PRPF18: variants seen among roughly 807,000 people sequenced by gnomAD.
PRPF18 encodes the protein pre-mRNA-splicing factor 18.
PRPF18 carries 38 observed loss-of-function variants against 46.5 expected under a neutral mutation model. That is an observed-to-expected ratio of 0.82 (90% CI 0.63 to 1.07). The LOEUF is 1.07. Among genes scored for constraint, PRPF18 ranks in the 50% least tolerant of loss-of-function variants. PRPF18 has a pLI of 0.00. For synonymous variants in PRPF18, 152 were observed against 146.7 expected, an observed-to-expected ratio of 1.04 and a Z score of -0.26; for missense variants, 263 against 410.0, an observed-to-expected ratio of 0.64 and a Z score of 3.10.
At chr10:13,593,237 A>G (rs1339770324) in intron 1 of PRPF18, among the ~76,000 whole-genome samples, 1 of 152,222 alleles carries the variant, frequency 6.6e-6, no homozygotes, top group Non-Finnish European at 1.5e-5. Context: ...AATGGCTAAA[A>G]AGTACAAAAA....
chr10:13,599,963 T>C (rs2080082823), intron 2 of PRPF18, among the ~76,000 whole-genome samples: 2 of 152,350 alleles, frequency 1.3e-5, no homozygotes, highest in South Asian at 4.1e-4. Flanking sequence ...ATTTCAGCCC[T>C]GTTAAATTTG....
rs769730622 is a variant in PRPF18, at chr10:13,613,880, G to A, written c.719G>A (p.Arg240Lys). Reference protein sequence around the residue: ...LRPLFRKLRKRNLPADIKESI... With the variant: ...LRPLFRKLRKKNLPADIKESI... ...CCACTTTTTAGAAAGCTACGGAAAA[G>A]GGTGAGGTTTCTTGGAAAATACTTT... Residue 240 changes from arginine to lysine, a missense_variant and splice_region_variant, in exon 7 of 10, where the codon AGG becomes AAG. Arg to Lys is a conservative substitution (Grantham distance 26). Coordinates refer to ENST00000378572, the MANE Select transcript of PRPF18 (RefSeq NM_003675.4). 2.5e-6 allele frequency: 4 copies of A among 1,598,898 alleles called. No homozygotes were observed. Among genetic ancestry groups the A allele is most frequent in the East Asian group, 2.2e-5 (1 of 44,852 alleles).
At chr10:13,654,238 C>T in the PRPF18 span, 1 of 622,182 alleles carries the variant, frequency 1.6e-6, no homozygotes, top group Non-Finnish European at 2.9e-6. Flanking sequence ...AAGGCACAGC[C>T]AGGAAAAGGA....
chr10:13,594,118 G>A (rs2502216), intron 1 of PRPF18, among the ~76,000 whole-genome samples: 122,537 of 152,170 alleles, frequency 0.81, 49,446 homozygotes, highest in East Asian at 0.84. Context: ...GATAATTACC[G>A]TATTAGAAAT....
At chr10:13,632,290 G>C (rs746915745), downstream of PRPF18, among the ~76,000 whole-genome samples, 5 of 152,020 alleles carry the variant, frequency 3.3e-5, no homozygotes, top group Non-Finnish European at 4.4e-5. Flanking sequence ...GCAGTGAGCC[G>C]AGATCGTGCC....
At chr10:13,654,258 G>A in the PRPF18 span, 81 of 656,100 alleles carry the variant, frequency 1.2e-4, no homozygotes, top group South Asian at 1.1e-3. Flanking sequence ...AGTAGGCAGA[G>A]GTGACAGCAG....
chr10:13,616,639 A>G, intron 9 of PRPF18, 86 bp downstream of exon 9: 2 of 1,513,752 alleles, frequency 1.3e-6, no homozygotes, highest in Non-Finnish European at 1.8e-6. Flanking sequence ...CAGGCAGAGA[A>G]TTACAGCAAA....
intron 3 of PRPF18, among the ~76,000 whole-genome samples, chr10:13,602,496 G>A (rs1364947900): frequency 1.3e-5 from 2 of 150,568 alleles, no homozygotes; most frequent in East Asian, 3.9e-4. Flanking sequence ...GATGACATCA[G>A]TCTTTTTCAT....
the PRPF18 span, chr10:13,654,308 A>G: frequency 2.5e-6 from 2 of 803,630 alleles, no homozygotes; most frequent in African/African-American, 3.4e-5. Flanking sequence ...CCTCCCAGTG[A>G]TGAACCCTCA....
chr10:13,651,159 G>A, the PRPF18 span: 1 of 152,220 alleles, frequency 6.6e-6, no homozygotes, highest in Non-Finnish European at 1.5e-5. Context: ...AGTAGGCCAG[G>A]GTGGTGCCCG....
At chr10:13,626,950 C>T (rs1407914513) in intron 9 of PRPF18, among the ~76,000 whole-genome samples, 1 of 152,146 alleles carries the variant, frequency 6.6e-6, no homozygotes, top group Non-Finnish European at 1.5e-5. Flanking sequence ...CCCTTCTCAC[C>T]ACCTTCCTTG....
chr10:13,616,120 C>T (rs1162011958), intron 8 of PRPF18, among the ~76,000 whole-genome samples: 1 of 152,156 alleles, frequency 6.6e-6, no homozygotes, highest in Non-Finnish European at 1.5e-5. Context: ...TATTAATTTC[C>T]AGCATACAAA....
At chr10:13,608,295 G>C (rs531288901) in intron 4 of PRPF18, among the ~76,000 whole-genome samples, 153 of 152,330 alleles carry the variant, frequency 1.0e-3, no homozygotes, top group African/African-American at 3.6e-3. Flanking sequence ...CCTCTGGACT[G>C]GTCTTCTAAG....
intron 4 of PRPF18, among the ~76,000 whole-genome samples, chr10:13,606,715 C>T (rs1589126192): frequency 1.8e-5 from 2 of 111,530 alleles, no homozygotes; most frequent in African/African-American, 6.9e-5. Context: ...AGCCTGGCGA[C>T]AGAGTGAGAC....
At chr10:13,611,802 C>A in intron 6 of PRPF18, 119 bp downstream of exon 6, 1 of 765,050 alleles carries the variant, frequency 1.3e-6, no homozygotes, top group South Asian at 1.7e-5. Flanking sequence ...ATTTCTCACA[C>A]ATACATGATG....
chr10:13,612,567 G>A (rs1023430351), intron 6 of PRPF18, among the ~76,000 whole-genome samples: 3 of 149,062 alleles, frequency 2.0e-5, no homozygotes, highest in Non-Finnish European at 4.5e-5. Context: ...TTATAGGCAT[G>A]AGCCACAGTG....
chr10:13,612,960 A>G (rs192314639), intron 6 of PRPF18, among the ~76,000 whole-genome samples: 1 of 152,212 alleles, frequency 6.6e-6, no homozygotes. Context: ...TGTTCAGACC[A>G]AGAGATTTAC....
At chr10:13,616,668 G>C (rs552744762) in intron 9 of PRPF18, 115 bp downstream of exon 9, 2 of 1,335,716 alleles carry the variant, frequency 1.5e-6, no homozygotes, top group South Asian at 1.3e-5. Context: ...AGCGTGATAG[G>C]ATGGAAGTCC....
At chr10:13,618,631 A>G in intron 9 of PRPF18, among the ~76,000 whole-genome samples, 1 of 151,666 alleles carries the variant, frequency 6.6e-6, no homozygotes, top group East Asian at 1.9e-4. Flanking sequence ...AAAAAAAAAA[A>G]AAAAAAAAAA....
Sources: allele counts gnomAD v4.1 joint callset (sites outside exome capture counted in the v4.1 genomes callset), GRCh38; gene constraint gnomAD v4.1.1; transcripts MANE v1.5; gene names NCBI Gene and HGNC (gene_info 2026-07-23, HGNC 2026-07-21).